ASCC3: variants seen among roughly 807,000 people sequenced by gnomAD.
The protein encoded by ASCC3 is activating signal cointegrator 1 complex subunit 3, also known as ASC-1 complex subunit P200.
In ASCC3, 158 loss-of-function variants were observed where a neutral mutation model predicts 256.3. That is an observed-to-expected ratio of 0.62 (90% CI 0.54 to 0.70). ASCC3 has a LOEUF of 0.70. Among genes scored for constraint, ASCC3 ranks in the 30% least tolerant of loss-of-function variants. ASCC3 has a pLI of 0.00. For missense variants in ASCC3, 2,259 were observed against 2,626.0 expected (o/e 0.86, Z 3.05); for synonymous variants, 948 against 883.4 (o/e 1.07, Z -1.30).
At chr6:100,553,198 T>A (rs1769394737) in intron 36 of ASCC3, among the ~76,000 whole-genome samples, 1 of 152,072 alleles carries the variant, frequency 6.6e-6, no homozygotes, top group Non-Finnish European at 1.5e-5. Context: ...AATCTCAAGA[T>A]CAGCAGAAAG....
chr6:100,825,472 G>A (rs192737573), intron 4 of ASCC3, among the ~76,000 whole-genome samples: 31 of 152,098 alleles, frequency 2.0e-4, no homozygotes, highest in African/African-American at 7.0e-4. Context: ...TTAAAAAATC[G>A]CATTCAGTCT....
intron 36 of ASCC3, among the ~76,000 whole-genome samples, chr6:100,558,304 G>A (rs994881330): frequency 3.3e-5 from 5 of 152,028 alleles, no homozygotes; most frequent in Non-Finnish European, 5.9e-5. Flanking sequence ...AAAGTGAAAA[G>A]CATTGTACCC....
At chr6:100,812,212 T>C (rs1455783767) in intron 4 of ASCC3, among the ~76,000 whole-genome samples, 2 of 152,040 alleles carry the variant, frequency 1.3e-5, no homozygotes, top group African/African-American at 4.8e-5. Context: ...GGGACAAATA[T>C]CCAGCGTATC....
intron 20 of ASCC3, among the ~76,000 whole-genome samples, chr6:100,648,217 T>G (rs1259714520): frequency 6.6e-6 from 1 of 151,970 alleles, no homozygotes; most frequent in Non-Finnish European, 1.5e-5. Context: ...ATATAGAAAG[T>G]TATAATGAAT....
intron 16 of ASCC3, among the ~76,000 whole-genome samples, chr6:100,657,890 G>A (rs981104462): frequency 1.3e-5 from 2 of 151,478 alleles, no homozygotes; most frequent in Non-Finnish European, 3.0e-5. Flanking sequence ...AAATAAAAAT[G>A]TATTTGTAAA....
At chr6:100,544,728 A>G (rs1582421848) in intron 36 of ASCC3, among the ~76,000 whole-genome samples, 1 of 152,158 alleles carries the variant, frequency 6.6e-6, no homozygotes, top group East Asian at 1.9e-4. Flanking sequence ...AGTGAATTCT[A>G]TCAAACATTT....
At position 100,631,161 on chromosome 6, in the gene ASCC3, C is replaced by A. The variant is rs768947987; in HGVS notation, c.4175G>T (p.Trp1392Leu). ...KALVRERMDD[W>L]KVRIEEKLGK... ...AAGTTTTTCTTCTATTCTAACTTTC[C>A]AATCATCCATTCTTTCACGTACTAG... Residue 1392 changes from tryptophan to leucine, a missense_variant, in exon 26 of 42, where the codon TGG becomes TTG. Around this residue, in one of 2 missense-constraint regions of ASCC3, gnomAD observed 1,839 missense variants for 2,206.7 expected, o/e 0.83. Coordinates refer to ENST00000369162, the MANE Select transcript of ASCC3 (RefSeq NM_006828.4). 1.2e-6 allele frequency: 2 copies of A among 1,612,376 alleles called. No homozygotes were observed. Among genetic ancestry groups the A allele is most frequent in the Non-Finnish European group, 1.7e-6 (2 of 1,179,046 alleles).
intron 4 of ASCC3, among the ~76,000 whole-genome samples, chr6:100,823,459 C>G (rs1027215808): frequency 6.6e-6 from 1 of 152,100 alleles, no homozygotes; most frequent in Admixed American, 6.6e-5. Context: ...AATGAAAAGG[C>G]AAGTTTCACT....
chr6:100,599,447 A>T (rs76097550), intron 34 of ASCC3, among the ~76,000 whole-genome samples: 4,595 of 152,224 alleles, frequency 0.03, 75 homozygotes, highest in African/African-American at 0.055. Context: ...AACTAAATGC[A>T]ACTCAGGGTA....
chr6:100,593,886 T>C (rs1165452468), intron 34 of ASCC3, among the ~76,000 whole-genome samples: 1 of 152,114 alleles, frequency 6.6e-6, no homozygotes, highest in African/African-American at 2.4e-5. Flanking sequence ...TATATTATAT[T>C]TTATGAAAGC....
chr6:100,865,617 A>G (rs10485298), intron 2 of ASCC3, among the ~76,000 whole-genome samples: 3,063 of 152,312 alleles, frequency 0.02, 104 homozygotes, highest in Admixed American at 0.088. Context: ...CCTTCCCGGT[A>G]TCAATCTTTG....
intron 36 of ASCC3, among the ~76,000 whole-genome samples, chr6:100,571,731 C>T (rs1770602311): frequency 6.6e-6 from 1 of 152,132 alleles, no homozygotes; most frequent in South Asian, 2.1e-4. Flanking sequence ...CGAAACTGTT[C>T]AGGTTTGATT....
intron 36 of ASCC3, among the ~76,000 whole-genome samples, chr6:100,572,829 T>C (rs1770667216): frequency 6.6e-6 from 1 of 152,170 alleles, no homozygotes; most frequent in African/African-American, 2.4e-5. Flanking sequence ...ATTTAATACT[T>C]ATAATTCTAG....
intron 8 of ASCC3, among the ~76,000 whole-genome samples, chr6:100,771,809 CA>C (rs1467333191): frequency 6.7e-6 from 1 of 150,098 alleles, no homozygotes; most frequent in Non-Finnish European, 1.5e-5. Flanking sequence ...AAAGAATTCA[CA>C]CATACTGATA....
intron 1 of ASCC3, 123 bp from the exon 2 acceptor site, chr6:100,868,161 G>A (rs1042307461): frequency 3.1e-5 from 19 of 621,888 alleles, no homozygotes; most frequent in African/African-American, 1.7e-4. Context: ...TGTTATCAAC[G>A]TTGAAAAATT....
intron 36 of ASCC3, among the ~76,000 whole-genome samples, chr6:100,557,520 T>C (rs148362237): frequency 2.0e-4 from 30 of 152,264 alleles, no homozygotes; most frequent in Non-Finnish European, 3.7e-4. Flanking sequence ...AAAATGATTT[T>C]TTTTTGTTTA....
At chr6:100,768,850 G>A (rs2115135816) in intron 8 of ASCC3, among the ~76,000 whole-genome samples, 1 of 152,172 alleles carries the variant, frequency 6.6e-6, no homozygotes, top group East Asian at 1.9e-4. Flanking sequence ...TAAAAAGGAA[G>A]ACAGTCATAC....
intron 25 of ASCC3, 69 bp downstream of exon 25, chr6:100,638,532 G>C: frequency 7.6e-7 from 1 of 1,318,162 alleles, no homozygotes; most frequent in Non-Finnish European, 1.1e-6. Context: ...AATATATTTA[G>C]AACTGTCTAG....
intron 27 of ASCC3, 29 bp downstream of exon 27, chr6:100,628,986 A>C (rs1774397006): frequency 6.2e-7 from 1 of 1,601,792 alleles, no homozygotes; most frequent in African/African-American, 1.3e-5. Context: ...TAAAGTTTGT[A>C]AACTGGCTTT....
Sources: gnomAD v4.1 joint callset for allele counts (sites outside exome capture counted in the v4.1 genomes callset) on GRCh38, gnomAD v4.1.1 for gene constraint, gnomAD v4.1.1 regional missense constraint, MANE v1.5 for transcripts, NCBI Gene and HGNC (gene_info 2026-07-23, HGNC 2026-07-21) for gene names.